The following CYGB variants were observed in gnomAD, a reference collection of about 807,000 sequenced individuals.
CYGB encodes the protein cytoglobin.
A neutral mutation model predicts 20.7 loss-of-function variants in CYGB; 13 were observed. The ratio of observed to expected loss-of-function variants is 0.63; its 90% confidence interval spans 0.41 to 1.00. The LOEUF is 1.00. Ranked by LOEUF, CYGB falls within the 50% of genes least tolerant of loss-of-function variation. CYGB has a pLI of 0.00. For missense variants in CYGB, 218 were observed against 257.2 expected, an observed-to-expected ratio of 0.85 and a Z score of 1.04; for synonymous variants, 93 against 107.4, an observed-to-expected ratio of 0.87 and a Z score of 0.83.
chr17:76,548,734 T>C (rs1018405466), intron 1 of CYGB, among the ~76,000 whole-genome samples: 14 of 152,226 alleles, frequency 9.2e-5, no homozygotes. Context: ...GCAACTGTAA[T>C]GAACTGTGTC....
chr17:76,539,960 T>C (rs531099160), upstream of CYGB: 2 of 640,054 alleles, frequency 3.1e-6, no homozygotes, highest in African/African-American at 1.8e-5. Flanking sequence ...CCCAGTGAGC[T>C]TAATCAGTCC....
upstream of CYGB, chr17:76,540,001 C>T (rs2074966777): frequency 1.2e-6 from 1 of 854,152 alleles, no homozygotes; most frequent in African/African-American, 1.7e-5. This position sits in a 1 kb window ranked among gnomAD's most constrained non-coding sequence, Gnocchi z 5.0. Context: ...ACCCACTAAT[C>T]AGCTTGAGCC....
At chr17:76,540,568 A>C, upstream of CYGB, 1 of 1,613,194 alleles carries the variant, frequency 6.2e-7, no homozygotes. The surrounding 1 kb of genome is among the most constrained non-coding windows in gnomAD (Gnocchi z 5.0). Context: ...CTCAGTCCTC[A>C]GGCAGGTAAG....
Position 76,537,577 on chromosome 17 carries a change from G to C in CYGB, c.-35C>G. On this transcript the variant is annotated 5_prime_UTR_variant, in exon 1 of 4. Coordinates refer to ENST00000293230, the MANE Select transcript of CYGB (RefSeq NM_134268.5). ...CAAGCCCAGCCCGGCTTTGCTCGGCGGCGGCGGTGGCGGGGCGCGGGGCGC... is the reference window on the plus strand; with the variant it reads ...CAAGCCCAGCCCGGCTTTGCTCGGCCGCGGCGGTGGCGGGGCGCGGGGCGC... 8.0e-7 allele frequency: 1 copy of C among 1,256,964 alleles called. No individual in the cohort carries two copies. Among genetic ancestry groups the C allele is most frequent in the Non-Finnish European group, 1.0e-6 (1 of 991,456 alleles). 77.9% of individuals were successfully genotyped at this position (1,256,964 alleles called of 1,614,324 possible).
Position 76,530,990 on chromosome 17 carries a change from G to T in CYGB, c.528C>A (p.Pro176=). 2 of 1,606,210 alleles carry T rather than the reference G, an allele frequency of 1.2e-6. No homozygotes were observed. The highest frequency in any genetic ancestry group is 1.7e-6 in the Non-Finnish European group (2 of 1,175,732). Residue 176 remains proline (P), a synonymous_variant, in exon 3 of 4, where the codon CCC becomes CCA. Coordinates refer to ENST00000293230, the MANE Select transcript of CYGB (RefSeq NM_134268.5). This position sits in a 1 kb window ranked among gnomAD's most constrained non-coding sequence, Gnocchi z 6.1. Reference sequence around the variant, plus strand: ...GCCCGCCTCCTCACGTGGTGGCGTTGGGGACCTGCTGCACCCAGCCCACTT... The same window carrying T: ...GCCCGCCTCCTCACGTGGTGGCGTTTGGGACCTGCTGCACCCAGCCCACTT... ...YKEVGWVQQV[P]NATTPPATLP...
Position 76,531,232 on chromosome 17 carries a change from G to C in CYGB, c.376-90C>G. ...CCCTCCGCCCCACGTGTGGCCGAGAGGATCATTCCTAACGCAACAGTCTGG... is the reference window on the plus strand; with the variant it reads ...CCCTCCGCCCCACGTGTGGCCGAGACGATCATTCCTAACGCAACAGTCTGG... On this transcript the variant is annotated intron_variant, in intron 2 of 3. Coordinates refer to ENST00000293230, the MANE Select transcript of CYGB (RefSeq NM_134268.5). The surrounding 1 kb of genome is among the most constrained non-coding windows in gnomAD (Gnocchi z 7.4). 2.1e-6 allele frequency: 3 copies of C among 1,407,054 alleles called. No homozygotes were observed. The South Asian group carries it at 3.9e-5, about 18-fold the overall frequency. The allele number at this position is 1,407,054 out of a possible 1,614,324, so 87.2% of individuals were successfully genotyped here.
rs2074792749 is a variant in CYGB at position 76,528,492 on chromosome 17, A to T, written c.*86T>A. The T allele has an allele frequency of 1.7e-6, 2 of 1,160,734 alleles. No individual in the cohort carries two copies. The highest frequency in any genetic ancestry group is 6.7e-5 in the South Asian group (2 of 29,868). 71.9% of individuals were successfully genotyped at this position (1,160,734 alleles called of 1,614,324 possible). A position where few individuals can be genotyped will look rare whatever the true frequency, so the allele number is the denominator to read the frequency against. On this transcript the variant is annotated 3_prime_UTR_variant, in exon 4 of 4. Coordinates refer to ENST00000293230, the MANE Select transcript of CYGB (RefSeq NM_134268.5). This position sits in a 1 kb window ranked among gnomAD's most constrained non-coding sequence, Gnocchi z 5.8. ...CAGGGATTCCTCCAGCTTCCTTGGC[A>T]CCCAGAAATGGAGCGTCAAGGAGGG...
At chr17:76,529,222 G>A (rs137920412) in intron 3 of CYGB, 1 of 985,420 alleles carries the variant, frequency 1.0e-6, no homozygotes, top group Non-Finnish European at 1.2e-6. Flanking sequence ...CTGGCAGCAG[G>A]GAGGCTCTGC....
chr17:76,537,052 A>G (rs1598207812), intron 1 of CYGB, among the ~76,000 whole-genome samples: 1 of 152,162 alleles, frequency 6.6e-6, no homozygotes, highest in African/African-American at 2.4e-5. Context: ...CCCCTGCTAT[A>G]CTACCTTTGA....
chr17:76,538,641 G>C (rs548807475), upstream of CYGB: 48 of 357,152 alleles, frequency 1.3e-4, no homozygotes, highest in African/African-American at 1.0e-3. Flanking sequence ...GGACATCTCA[G>C]CCGCCACCAA....
At chr17:76,547,689 T>TCA (rs755549580) in intron 1 of CYGB, among the ~76,000 whole-genome samples, 2 of 129,018 alleles carry the variant, frequency 1.6e-5, no homozygotes, top group Admixed American at 7.5e-5. Flanking sequence ...ACACCCACAT[T>TCA]CACACACACA....
chr17:76,544,269 T>C (rs1483557366), intron 1 of CYGB: 1 of 454,422 alleles, frequency 2.2e-6, no homozygotes, highest in Non-Finnish European at 4.4e-6. Flanking sequence ...TGTCTCTGCC[T>C]GGCTGGCCCG....
chr17:76,539,901 A>C (rs2074964971), upstream of CYGB: 6 of 591,024 alleles, frequency 1.0e-5, no homozygotes, highest in East Asian at 1.7e-4. Context: ...ATACGTGCTC[A>C]ATGCCACAGT....
At position 76,529,018 on chromosome 17, in the gene CYGB, C is replaced by T. The variant is rs1008407198; in HGVS notation, c.540-407G>A. 3.0e-6 allele frequency: 3 copies of T among 992,850 alleles called. No individual in the cohort carries two copies. The African/African-American group carries it at 5.2e-5, about 17-fold the overall frequency. 61.5% of individuals were successfully genotyped at this position (992,850 alleles called of 1,614,324 possible). ...CATCTGTATTCTCGTATTCTCGGTA[C>T]ACACAGCGCCCCCTGCAGTCATTGC... On this transcript the variant is annotated intron_variant, in intron 3 of 3. Coordinates refer to ENST00000293230, the MANE Select transcript of CYGB (RefSeq NM_134268.5).
intron 1 of CYGB, among the ~76,000 whole-genome samples, chr17:76,532,607 C>T (rs2074859997): frequency 6.6e-6 from 1 of 150,574 alleles, no homozygotes; most frequent in Non-Finnish European, 1.5e-5. Context: ...TCTTGGCTCG[C>T]TGCAACCTCT....
At chr17:76,540,055 G>C, upstream of CYGB, 1 of 1,378,534 alleles carries the variant, frequency 7.3e-7, no homozygotes, top group Non-Finnish European at 1.0e-6. This position sits in a 1 kb window ranked among gnomAD's most constrained non-coding sequence, Gnocchi z 5.0. Flanking sequence ...GACGGCAGTG[G>C]CTCCTGAGAG....
intron 1 of CYGB, among the ~76,000 whole-genome samples, chr17:76,536,890 C>CG (rs1328743589): frequency 1.9e-4 from 29 of 152,166 alleles, no homozygotes; most frequent in African/African-American, 6.8e-4. Flanking sequence ...CTGGACCCCC[C>CG]GGGCTCTCCT....
chr17:76,550,756 C>T (rs1346122561), intron 1 of CYGB: 1 of 152,206 alleles, frequency 6.6e-6, no homozygotes, highest in Non-Finnish European at 1.5e-5. Context: ...GCTTGTTTTG[C>T]TCACCATCTA....
chr17:76,550,714 GA>G, intron 1 of CYGB: 1 of 152,240 alleles, frequency 6.6e-6, no homozygotes, highest in East Asian at 1.9e-4. Flanking sequence ...ATGATTTAGA[GA>G]GTTAGAAACA....
Sources: gnomAD v4.1 joint callset for allele counts (sites outside exome capture counted in the v4.1 genomes callset) on GRCh38, gnomAD v4.1.1 for gene constraint, Gnocchi (gnomAD v3.1) non-coding constraint, MANE v1.5 for transcripts, NCBI Gene and HGNC (gene_info 2026-07-23, HGNC 2026-07-21) for gene names.